HYDIN: variants seen among roughly 807,000 people sequenced by gnomAD.
The protein encoded by HYDIN is axonemal central pair apparatus protein HYDIN.
Under a neutral mutation model 403.9 loss-of-function variants are expected in HYDIN, and 132 were observed. The observed-to-expected ratio is 0.33, with a 90% CI of 0.28 to 0.38. The LOEUF is 0.38. Among genes scored for constraint, HYDIN ranks in the 10% least tolerant of loss-of-function variants. The pLI is 1.00. For missense variants in HYDIN, 2,827 were observed against 5,009.5 expected, an observed-to-expected ratio of 0.56 and a Z score of 13.15; for synonymous variants, 1,202 against 1,891.7, an observed-to-expected ratio of 0.64 and a Z score of 9.46.
rs530440925 is a variant in HYDIN, at chr16:70,837,557, T to G, written c.13242+133A>C. 3.6e-4 allele frequency: 228 copies of G among 628,982 alleles called. 1 individual carries two copies. The African/African-American group carries it at 3.9e-3, about 11-fold the overall frequency. 39.0% of individuals were successfully genotyped at this position (628,982 alleles called of 1,614,324 possible). A position where few individuals can be genotyped will look rare whatever the true frequency, so the allele number is the denominator to read the frequency against. ...GGAACATCATCTCAGTGGGACTCGCTGACCTACAACAGAGCAGCCTGGGGC... is the reference window on the plus strand; with the variant it reads ...GGAACATCATCTCAGTGGGACTCGCGGACCTACAACAGAGCAGCCTGGGGC... On this transcript the variant is annotated intron_variant, in intron 77 of 85. Coordinates refer to ENST00000393567, the MANE Select transcript of HYDIN (RefSeq NM_001270974.2).
intron 44 of HYDIN, among the ~76,000 whole-genome samples, chr16:70,938,326 C>T (rs1435268506): frequency 6.6e-6 from 1 of 152,254 alleles, no homozygotes; most frequent in Admixed American, 6.5e-5. Flanking sequence ...CAGGGCAGCA[C>T]AGAGGCCAGT....
intron 52 of HYDIN, among the ~76,000 whole-genome samples, chr16:70,901,957 C>T (rs2076392992): frequency 6.6e-6 from 1 of 152,054 alleles, no homozygotes; most frequent in South Asian, 2.1e-4. Context: ...AACCCTTTTT[C>T]GAATTGTTTT....
intron 65 of HYDIN, 78 bp downstream of exon 65, chr16:70,871,959 C>T (rs551877402): frequency 5.9e-5 from 74 of 1,247,816 alleles, no homozygotes; most frequent in Admixed American, 9.2e-5. Flanking sequence ...CATGCATCCA[C>T]GGGAAAGGGC....
chr16:71,082,637 G>A (rs565026517), intron 12 of HYDIN, among the ~76,000 whole-genome samples: 1 of 151,250 alleles, frequency 6.6e-6, no homozygotes, highest in South Asian at 2.1e-4. Context: ...GTTCACTTGT[G>A]AGCAGATTCC....
At chr16:71,114,049 T>C (rs1289134135) in intron 10 of HYDIN, 2 of 150,842 alleles carry the variant, frequency 1.3e-5, no homozygotes, top group African/African-American at 2.4e-5. Context: ...CATCCTGGCA[T>C]GTGATCTGAG....
chr16:70,934,584 C>T (rs766257411), intron 45 of HYDIN, among the ~76,000 whole-genome samples: 1 of 151,966 alleles, frequency 6.6e-6, no homozygotes, highest in African/African-American at 2.4e-5. Flanking sequence ...GTTTTCAGAC[C>T]AGGCAACCGC....
intron 23 of HYDIN, among the ~76,000 whole-genome samples, chr16:71,009,618 C>T (rs1428162893): frequency 2.0e-5 from 3 of 151,934 alleles, no homozygotes; most frequent in African/African-American, 7.3e-5. Flanking sequence ...AGGGACTTTG[C>T]AGATGTGATT....
intron 50 of HYDIN, among the ~76,000 whole-genome samples, chr16:70,905,933 T>C (rs1464780923): frequency 1.3e-5 from 2 of 151,926 alleles, no homozygotes; most frequent in Non-Finnish European, 2.9e-5. Flanking sequence ...CAAATTCCCT[T>C]CATCTTCAAT....
chr16:71,017,350 CA>C (rs57153160), intron 23 of HYDIN, among the ~76,000 whole-genome samples: 8,819 of 107,832 alleles, frequency 0.082, 370 homozygotes, highest in African/African-American at 0.19. Context: ...AACTCTGTCT[CA>C]AAAAAAAAAA....
chr16:70,868,656 C>A lies in HYDIN; in HGVS notation c.11224G>T (p.Val3742Phe). The A allele has an allele frequency of 1.2e-6, 2 of 1,614,122 alleles. No individual in the cohort carries two copies. The highest frequency in any genetic ancestry group is 1.7e-6 in the Non-Finnish European group (2 of 1,180,030). ...TGCATGCGGTCATCCCAGTCGGGGACCTGGTCTGCAGGGAGCTGAAACATA... is the reference window on the plus strand; with the variant it reads ...TGCATGCGGTCATCCCAGTCGGGGAACTGGTCTGCAGGGAGCTGAAACATA... ...RIMFQLPADQ[V>F]PDWDDRMHTV... Residue 3742 changes from valine (V) to phenylalanine (F), a missense_variant, in exon 66 of 86, where the codon GTC (valine) becomes TTC (phenylalanine). By Grantham distance (50) the Val-to-Phe change is conservative. Transcript: ENST00000393567.
intron 1 of HYDIN, among the ~76,000 whole-genome samples, chr16:71,213,492 G>C (rs1184469266): frequency 6.6e-6 from 1 of 151,962 alleles, no homozygotes; most frequent in Non-Finnish European, 1.5e-5. Context: ...CATACATGTT[G>C]GATTCTTAAG....
At position 70,939,038 on chromosome 16, in the gene HYDIN, A is replaced by G. The variant is rs536921326; in HGVS notation, c.6854-283T>C. On this transcript the variant is annotated intron_variant, in intron 43 of 85. Coordinates refer to ENST00000393567, the MANE Select transcript of HYDIN (RefSeq NM_001270974.2). ...GCAGAGGGACTCTGCAGATGTGATT[A>G]AATTTAAGGATCTTGAGGTGGGCAG... 1.3e-4 allele frequency among the ~76,000 whole-genome samples: 20 copies of G among 152,300 alleles called. No individual in the cohort carries two copies. The South Asian group carries it at 3.9e-3, about 30-fold the overall frequency.
intron 75 of HYDIN, among the ~76,000 whole-genome samples, chr16:70,841,734 G>A (rs1404678904): frequency 6.6e-6 from 1 of 151,808 alleles, no homozygotes. Context: ...CCCCACCCCC[G>A]ACCTTTCTTC....
chr16:71,010,214 C>T (rs1166746704), intron 23 of HYDIN, among the ~76,000 whole-genome samples: 5 of 151,472 alleles, frequency 3.3e-5, no homozygotes, highest in African/African-American at 9.7e-5. Context: ...TTCCCTCTGG[C>T]CCCAGGGCTA....
chr16:70,968,307 T>C (rs370813488), intron 36 of HYDIN, among the ~76,000 whole-genome samples: 6 of 101,072 alleles, frequency 5.9e-5, no homozygotes, highest in African/African-American at 2.2e-4. Context: ...GACTTCCACG[T>C]CCATCTGGTG....
Position 70,951,287 on chromosome 16 carries a change from AGG to A in HYDIN, c.6531+1132_6531+1133del, listed in dbSNP as rs1422220281. 4.7e-3 allele frequency among the ~76,000 whole-genome samples: 707 copies of A among 150,680 alleles called. 15 individuals are homozygous for A. The highest frequency in any genetic ancestry group is 0.017 in the African/African-American group (682 of 40,240). On this transcript the variant is annotated intron_variant, in intron 41 of 85. Transcript: ENST00000393567. ...GAGAGAGAGAGAGAGAGAGGGAGAGAGGGAGAGAGAGAGAGAGAAACTTCACA... is the reference window on the plus strand; with the variant it reads ...GAGAGAGAGAGAGAGAGAGGGAGAGAGAGAGAGAGAGAGAGAAACTTCACA...
At chr16:70,967,687 C>T (rs370592493) in intron 36 of HYDIN, among the ~76,000 whole-genome samples, 23 of 152,162 alleles carry the variant, frequency 1.5e-4, no homozygotes, top group Non-Finnish European at 2.9e-4. Flanking sequence ...GGGGTTTCAC[C>T]GTGTTAGCCA....
chr16:71,210,851 G>C (rs1392961866), intron 1 of HYDIN, among the ~76,000 whole-genome samples: 1 of 151,730 alleles, frequency 6.6e-6, no homozygotes, highest in African/African-American at 2.4e-5. Context: ...AAATTTCTTA[G>C]TTTATTGTTA....
In HYDIN at chr16:70,920,967, A is replaced by G. The variant is rs1022631550; in HGVS notation, c.7409T>C (p.Ile2470Thr). 4 of 1,602,482 alleles carry G rather than the reference A, an allele frequency of 2.5e-6. No homozygotes were observed. The highest frequency in any genetic ancestry group is 3.4e-6 in the Non-Finnish European group (4 of 1,173,820). Residue 2470 changes from isoleucine to threonine, a missense_variant, in exon 46 of 86, where the codon ATC becomes ACC. Physicochemically the swap from Ile to Thr is moderately conservative, Grantham distance 89 (BLOSUM62 -1). Transcript: ENST00000393567. Reference protein sequence around the residue: ...YELTLKDVQNILMYWDRKQGV... With the variant: ...YELTLKDVQNTLMYWDRKQGV... ...TTGCTTCCGGTCCCAGTACATGAGG[A>G]TGTTCTGGACATCCTTCAGTGTCAA...
Sources: gnomAD v4.1 joint callset for allele counts (sites outside exome capture counted in the v4.1 genomes callset) on GRCh38, gnomAD v4.1.1 for gene constraint, MANE v1.5 for transcripts, NCBI Gene and HGNC (gene_info 2026-07-23, HGNC 2026-07-21) for gene names.